Variants in GREM2 observed in about 807,000 individuals in gnomAD.
The protein encoded by GREM2 is gremlin 2, DAN family BMP antagonist.
A neutral mutation model predicts 14.2 loss-of-function variants in GREM2; 11 were observed. The observed-to-expected ratio is 0.78, with a 90% CI of 0.49 to 1.28. The LOEUF is 1.28. Ranked by LOEUF, GREM2 falls within the 50% of genes most tolerant of loss-of-function variation. The pLI is 0.00. For missense variants in GREM2, 210 were observed against 218.5 expected (o/e 0.96, Z 0.24); for synonymous variants, 98 against 97.6 (o/e 1.00, Z -0.02).
At chr1:240,509,308 A>C (rs73132232) in intron 1 of GREM2, among the ~76,000 whole-genome samples, 1,702 of 151,342 alleles carry the variant, frequency 0.011, 27 homozygotes, top group African/African-American at 0.039. Flanking sequence ...AGGTGTAGTG[A>C]AGGTCAGCAT....
intron 1 of GREM2, among the ~76,000 whole-genome samples, chr1:240,536,777 G>A (rs547943428): frequency 3.3e-5 from 5 of 152,282 alleles, no homozygotes; most frequent in South Asian, 4.1e-4. Flanking sequence ...CGGTAGCTAC[G>A]TGCATGGGGA....
intron 1 of GREM2, among the ~76,000 whole-genome samples, chr1:240,607,576 T>A (rs1229830690): frequency 6.6e-6 from 1 of 152,234 alleles, no homozygotes; most frequent in Non-Finnish European, 1.5e-5. Context: ...TGAAAGGTGG[T>A]CTCTGCAGGC....
chr1:240,556,967 C>G (rs113820084), intron 1 of GREM2, among the ~76,000 whole-genome samples: 1 of 151,848 alleles, frequency 6.6e-6, no homozygotes, highest in East Asian at 1.9e-4. Flanking sequence ...CTCAGAAGTT[C>G]GAGACCAGCC....
intron 1 of GREM2, among the ~76,000 whole-genome samples, chr1:240,541,442 C>T (rs1242408929): frequency 6.6e-6 from 1 of 152,224 alleles, no homozygotes; most frequent in Non-Finnish European, 1.5e-5. Context: ...TGCTGACTAA[C>T]TCACTTCCCA....
chr1:240,556,421 G>A (rs1657293108), intron 1 of GREM2, among the ~76,000 whole-genome samples: 2 of 152,178 alleles, frequency 1.3e-5, no homozygotes, highest in Non-Finnish European at 2.9e-5. Flanking sequence ...CAATCAGGAA[G>A]TCTACTTATT....
At chr1:240,547,230 G>T (rs1196669761) in intron 1 of GREM2, among the ~76,000 whole-genome samples, 3 of 152,102 alleles carry the variant, frequency 2.0e-5, no homozygotes, top group Non-Finnish European at 2.9e-5. Context: ...GCCAGGCACG[G>T]TGCCTCATGC....
At chr1:240,497,059 C>T (rs1448792163) in intron 1 of GREM2, among the ~76,000 whole-genome samples, 1 of 151,810 alleles carries the variant, frequency 6.6e-6, no homozygotes, top group African/African-American at 2.4e-5. Context: ...GGATACTATA[C>T]AGGTCATTGC....
chr1:240,513,575 C>CAAA (rs5782148), intron 1 of GREM2, among the ~76,000 whole-genome samples: 14 of 110,860 alleles, frequency 1.3e-4, no homozygotes, highest in East Asian at 2.7e-4. Context: ...ACTCCATCTA[C>CAAA]AAAAAAAAAA....
chr1:240,607,456 GA>G (rs1680050057), intron 1 of GREM2, among the ~76,000 whole-genome samples: 1 of 152,106 alleles, frequency 6.6e-6, no homozygotes, highest in African/African-American at 2.4e-5. Context: ...TGAGTTCATA[GA>G]AATGACATTG....
In GREM2 at chr1:240,490,895, C is replaced by G. The variant is rs531157035; in HGVS notation, c.*2074G>C. 1 of 152,454 alleles carries G rather than the reference C, an allele frequency of 6.6e-6. No homozygotes were observed. Among genetic ancestry groups the G allele is most frequent in the South Asian group, 2.1e-4 (1 of 4,828 alleles). 9.4% of individuals were successfully genotyped at this position (152,454 alleles called of 1,614,324 possible). On this transcript the variant is annotated 3_prime_UTR_variant, in exon 2 of 2. Transcript: ENST00000318160. Reference sequence around the variant, plus strand: ...CAATCACGTAAATTTCCTTCCTTCACAGCTTTTCTGCTGCATGTTCTGCCA... The same window carrying G: ...CAATCACGTAAATTTCCTTCCTTCAGAGCTTTTCTGCTGCATGTTCTGCCA...
At chr1:240,611,278 A>G (rs1426426516) in intron 1 of GREM2, among the ~76,000 whole-genome samples, 1 of 152,230 alleles carries the variant, frequency 6.6e-6, no homozygotes, top group Non-Finnish European at 1.5e-5. Context: ...CAATGTAGAA[A>G]TAAGTCAGGT....
chr1:240,556,743 A>T (rs2103344832), intron 1 of GREM2, among the ~76,000 whole-genome samples: 1 of 152,348 alleles, frequency 6.6e-6, no homozygotes, highest in African/African-American at 2.4e-5. Flanking sequence ...GGAATAAAAA[A>T]TGACAGAAAT....
At chr1:240,594,070 C>T (rs12030977) in intron 1 of GREM2, among the ~76,000 whole-genome samples, 32,757 of 151,858 alleles carry the variant, frequency 0.22, 4,399 homozygotes, top group Middle Eastern at 0.31. Context: ...CCTCCTGCTG[C>T]GGCCTTTCAA....
intron 1 of GREM2, among the ~76,000 whole-genome samples, chr1:240,559,782 T>C (rs1679008191): frequency 6.6e-6 from 1 of 152,214 alleles, no homozygotes; most frequent in Admixed American, 6.5e-5. Context: ...GATAGCTTCA[T>C]TTTGTTAAAT....
intron 1 of GREM2, among the ~76,000 whole-genome samples, chr1:240,567,042 C>G (rs958771385): frequency 2.0e-5 from 3 of 151,988 alleles, no homozygotes; most frequent in South Asian, 4.1e-4. Flanking sequence ...AAGATGAAAA[C>G]TACAATAGCT....
Position 240,540,719 on chromosome 1 carries a change from C to T in GREM2, c.-1-47243G>A, listed in dbSNP as rs181386186. Among the ~76,000 whole-genome samples the T allele has an allele frequency of 5.2e-4, 79 of 152,094 alleles. No homozygotes were observed. The highest frequency in any genetic ancestry group is 1.9e-3 in the African/African-American group (78 of 41,496). ...CTGGGACTACAGGCATGCATCACCACGCCCAGCTAATTTTTGTATTTTTAG... is the reference window on the plus strand; with the variant it reads ...CTGGGACTACAGGCATGCATCACCATGCCCAGCTAATTTTTGTATTTTTAG... On this transcript the variant is annotated intron_variant, in intron 1 of 1. Coordinates refer to ENST00000318160, the MANE Select transcript of GREM2 (RefSeq NM_022469.4). The surrounding 1 kb of genome is among the most constrained non-coding windows in gnomAD (Gnocchi z 4.2).
intron 1 of GREM2, among the ~76,000 whole-genome samples, chr1:240,546,135 G>A (rs1678711166): frequency 1.3e-5 from 2 of 152,066 alleles, no homozygotes; most frequent in African/African-American, 4.8e-5. Flanking sequence ...AGAAGTTCAA[G>A]AGCAGCCTGG....
At chr1:240,568,444 G>A (rs1679204384) in intron 1 of GREM2, among the ~76,000 whole-genome samples, 1 of 152,058 alleles carries the variant, frequency 6.6e-6, no homozygotes, top group Non-Finnish European at 1.5e-5. Flanking sequence ...GGAAAAATAT[G>A]AAGCAAATTG....
chr1:240,606,022 A>G (rs1571955578), intron 1 of GREM2, among the ~76,000 whole-genome samples: 1 of 152,154 alleles, frequency 6.6e-6, no homozygotes, highest in African/African-American at 2.4e-5. Context: ...AAGAAAAAAA[A>G]CAAAAAGTTC....
Sources: allele counts gnomAD v4.1 joint callset (sites outside exome capture counted in the v4.1 genomes callset), GRCh38; gene constraint gnomAD v4.1.1; non-coding constraint Gnocchi (gnomAD v3.1); transcripts MANE v1.5; gene names NCBI Gene and HGNC (gene_info 2026-07-23, HGNC 2026-07-21).